The following ZNF254 variants were observed in gnomAD, a reference collection of about 807,000 sequenced individuals.
ZNF254 encodes the protein zinc finger protein 254, also known as CTD-2017D11.1.
Under a neutral mutation model 12.4 loss-of-function variants are expected in ZNF254, and 10 were observed. The ratio of observed to expected loss-of-function variants is 0.80; its 90% confidence interval spans 0.50 to 1.36. The LOEUF is 1.36. Among genes scored for constraint, ZNF254 ranks in the 40% most tolerant of loss-of-function variants. ZNF254 has a pLI of 0.00. For missense variants in ZNF254, 996 were observed against 763.9 expected (o/e 1.30, Z -3.58); for synonymous variants, 305 against 253.4 (o/e 1.20, Z -1.93).
At chr19:24,123,202 G>A (rs1599764316) in intron 3 of ZNF254, among the ~76,000 whole-genome samples, 1 of 152,094 alleles carries the variant, frequency 6.6e-6, no homozygotes, top group East Asian at 1.9e-4. Context: ...TAATTTCTAT[G>A]TATTTGTAAA....
At chr19:24,045,219 G>A (rs563113603) in intron 1 of ZNF254, among the ~76,000 whole-genome samples, 3 of 152,236 alleles carry the variant, frequency 2.0e-5, no homozygotes, top group Admixed American at 6.5e-5. Flanking sequence ...AAGCCCCTGC[G>A]TTTATCACTT....
At chr19:24,035,351 CG>C (rs1158522475) in intron 1 of ZNF254, among the ~76,000 whole-genome samples, 1 of 152,010 alleles carries the variant, frequency 6.6e-6, no homozygotes, top group African/African-American at 2.4e-5. Context: ...TTAGTATAGG[CG>C]GGGTTTCACC....
At chr19:24,108,919 G>T (rs952895202) in intron 3 of ZNF254, among the ~76,000 whole-genome samples, 2 of 152,322 alleles carry the variant, frequency 1.3e-5, no homozygotes, top group Non-Finnish European at 1.5e-5. Flanking sequence ...ACTTTGGGAG[G>T]CTGAGGTGTG....
At chr19:24,068,342 C>T (rs1358835781) in intron 2 of ZNF254, among the ~76,000 whole-genome samples, 1 of 151,968 alleles carries the variant, frequency 6.6e-6, no homozygotes, top group African/African-American at 2.4e-5. Flanking sequence ...ACTCTGTTGC[C>T]CAGGTTGGAG....
chr19:24,054,165 G>C (rs1970753520), intron 2 of ZNF254, among the ~76,000 whole-genome samples: 1 of 152,082 alleles, frequency 6.6e-6, no homozygotes, highest in Non-Finnish European at 1.5e-5. Context: ...ATGTGACTCT[G>C]TTGCCTGTGC....
At chr19:24,071,838 A>T (rs1971492729) in intron 2 of ZNF254, among the ~76,000 whole-genome samples, 1 of 152,152 alleles carries the variant, frequency 6.6e-6, no homozygotes, top group African/African-American at 2.4e-5. Flanking sequence ...TTAGGTGATG[A>T]ACAAAATGAT....
chr19:24,097,018 T>C (rs760149540), intron 1 of ZNF254, among the ~76,000 whole-genome samples: 11 of 152,180 alleles, frequency 7.2e-5, no homozygotes, highest in Non-Finnish European at 1.3e-4. Flanking sequence ...TAAGAGAAAA[T>C]ATCTTACTAA....
Position 24,126,540 on chromosome 19 carries a change from A to G in ZNF254, c.540A>G (p.Lys180=), listed in dbSNP as rs1236992043. 6.2e-6 allele frequency: 10 copies of G among 1,601,694 alleles called. No individual in the cohort carries two copies. The Admixed American group carries it at 1.6e-4, about 25-fold the overall frequency. Residue 180 remains lysine (K), a synonymous_variant, in exon 4 of 4, where the codon AAA becomes AAG. Coordinates refer to ENST00000357002, the MANE Select transcript of ZNF254 (RefSeq NM_203282.4). ...CTAAGATAAGACATACTGAAAAGAA[A>G]TCTTTCAAATGTAAAAAACGTGTCA... is the stretch of plus-strand genomic sequence containing the variant. ...NRPKIRHTEK[K]SFKCKKRVKL... is the part of the protein sequence containing the mutation.
chr19:24,127,990 C>T lies in ZNF254; in HGVS notation c.*10C>T, dbSNP rs766351538. The T allele has an allele frequency of 1.4e-5, 22 of 1,527,540 alleles. No homozygotes were observed. The South Asian group carries it at 2.4e-4, about 17-fold the overall frequency. 94.6% of individuals were successfully genotyped at this position (1,527,540 alleles called of 1,614,324 possible). A position where few individuals can be genotyped will look rare whatever the true frequency, so the allele number is the denominator to read the frequency against. ...AATCTTACAAGTATGAATAATGTGCCAAAGCCTAAGAAAACCCTCAATTCT... is the reference window on the plus strand; with the variant it reads ...AATCTTACAAGTATGAATAATGTGCTAAAGCCTAAGAAAACCCTCAATTCT... On this transcript the variant is annotated 3_prime_UTR_variant, in exon 4 of 4. Transcript: ENST00000357002.
upstream of ZNF254, among the ~76,000 whole-genome samples, chr19:24,082,668 A>C (rs1000599506): frequency 6.9e-5 from 10 of 145,794 alleles, no homozygotes; most frequent in African/African-American, 2.6e-4. Flanking sequence ...AAAAAAAAAA[A>C]ACCCAAAAAA....
chr19:24,123,521 G>T (rs1324229399), intron 3 of ZNF254, among the ~76,000 whole-genome samples: 2 of 151,704 alleles, frequency 1.3e-5, no homozygotes, highest in Non-Finnish European at 2.9e-5. Flanking sequence ...TGCTATAATT[G>T]TATTGCTTTG....
rs529668458 is a variant in ZNF254, at chr19:24,128,405, G to C, written c.*425G>C. ...CTAATTACTCTCAGAAGATCTGTCA[G>C]AAAGTATGTCTTTAAAGTATAGAAG... On this transcript the variant is annotated 3_prime_UTR_variant, in exon 4 of 4. Transcript: ENST00000357002. The C allele has an allele frequency of 6.4e-6, 1 of 157,356 alleles. No individual in the cohort carries two copies. Among genetic ancestry groups the C allele is most frequent in the East Asian group, 1.9e-4 (1 of 5,276 alleles). 9.7% of individuals were successfully genotyped at this position (157,356 alleles called of 1,614,324 possible).
intron 1 of ZNF254, among the ~76,000 whole-genome samples, chr19:24,096,757 G>C (rs1247611261): frequency 1.3e-5 from 2 of 152,188 alleles, no homozygotes; most frequent in African/African-American, 4.8e-5. Flanking sequence ...CCTGTGGGAT[G>C]TTGTAGTCTC....
At chr19:24,074,325 C>G (rs547840702) in intron 2 of ZNF254, among the ~76,000 whole-genome samples, 3 of 152,184 alleles carry the variant, frequency 2.0e-5, no homozygotes, top group African/African-American at 7.2e-5. Context: ...AGGTTCTGCT[C>G]TCAATGTAGA....
Position 24,120,936 on chromosome 19 carries a change from G to A in ZNF254, c.254-5318G>A, listed in dbSNP as rs117235562. 5.6e-4 allele frequency among the ~76,000 whole-genome samples: 85 copies of A among 151,842 alleles called. No homozygotes were observed. In the East Asian group the frequency reaches 0.013, roughly 24 times the overall value. The stretch of plus-strand genomic sequence containing the variant: ...TTCTTTTTTTTATATGCAAACTCTC[G>A]CTGTATTATTCAGGCTGATCTGAAT... On this transcript the variant is annotated intron_variant, in intron 3 of 3. Coordinates refer to ENST00000357002, the MANE Select transcript of ZNF254 (RefSeq NM_203282.4).
intron 2 of ZNF254, among the ~76,000 whole-genome samples, chr19:24,060,578 C>G (rs1029832037): frequency 1.3e-5 from 2 of 152,180 alleles, no homozygotes; most frequent in Non-Finnish European, 2.9e-5. Flanking sequence ...TCTCTGGGCC[C>G]AGCACCTAGA....
At chr19:24,112,922 A>T (rs900950304) in intron 3 of ZNF254, among the ~76,000 whole-genome samples, 1 of 152,238 alleles carries the variant, frequency 6.6e-6, no homozygotes, top group Non-Finnish European at 1.5e-5. Context: ...AATAAACTAG[A>T]AAATCTAGAT....
chr19:24,104,721 T>G (rs1973231651), intron 1 of ZNF254: 1 of 152,202 alleles, frequency 6.6e-6, no homozygotes, highest in Non-Finnish European at 1.5e-5. Context: ...TCCTTGTGGC[T>G]GATGAACATG....
intron 1 of ZNF254, among the ~76,000 whole-genome samples, chr19:24,042,764 T>A (rs192450188): frequency 2.3e-4 from 35 of 152,344 alleles, no homozygotes; most frequent in Non-Finnish European, 4.4e-5. Context: ...GTATTTACTT[T>A]CCTCTCCACT....
Sources: gnomAD v4.1 joint callset for allele counts (sites outside exome capture counted in the v4.1 genomes callset) on GRCh38, gnomAD v4.1.1 for gene constraint, MANE v1.5 for transcripts, NCBI Gene and HGNC (gene_info 2026-07-23, HGNC 2026-07-21) for gene names.